The following FBXO15 variants were observed in gnomAD, a reference collection of about 807,000 sequenced individuals.
The protein encoded by FBXO15 is F-box only protein 15.
In FBXO15, 30 loss-of-function variants were observed where a neutral mutation model predicts 49.5. The observed-to-expected ratio is 0.61, with a 90% CI of 0.45 to 0.82. The LOEUF is 0.82. FBXO15 is among the 40% of genes least tolerant of loss of function. The pLI is 0.00. For missense variants in FBXO15, 591 were observed against 631.5 expected, an observed-to-expected ratio of 0.94 and a Z score of 0.69; for synonymous variants, 250 against 232.7, an observed-to-expected ratio of 1.07 and a Z score of -0.68.
chr18:74,147,796 A>G lies in FBXO15; in HGVS notation c.-11T>C. 2 of 1,523,654 alleles carry G rather than the reference A, an allele frequency of 1.3e-6. No individual in the cohort carries two copies. Among genetic ancestry groups the G allele is most frequent in the South Asian group, 1.2e-5 (1 of 82,066 alleles). The allele number at this position is 1,523,654 out of a possible 1,614,324, so 94.4% of individuals were successfully genotyped here. A position where few individuals can be genotyped will look rare whatever the true frequency, so the allele number is the denominator to read the frequency against. ...GCGTCCAGTCGCCATAGAGACAAGG[A>G]GTTCACCACAGGACCGCGCCAGGGC... On this transcript the variant is annotated 5_prime_UTR_variant, in exon 1 of 10. Coordinates refer to ENST00000419743, the MANE Select transcript of FBXO15 (RefSeq NM_001142958.2).
chr18:74,077,668 TGCA>T (rs1912309890), intron 9 of FBXO15, among the ~76,000 whole-genome samples: 1 of 152,118 alleles, frequency 6.6e-6, no homozygotes, highest in Admixed American at 6.5e-5. Flanking sequence ...CACCCTACAC[TGCA>T]GCCTCACTGA....
In FBXO15 at chr18:74,120,230, T is replaced by A. The variant is rs1387550214; in HGVS notation, c.1138+3138A>T. Among the ~76,000 whole-genome samples, 5 of 152,214 alleles carry A rather than the reference T, an allele frequency of 3.3e-5. No homozygotes were observed. In the East Asian group the frequency reaches 9.6e-4, roughly 29 times the overall value. ...AAAAACTGATAAAACAGCAAAAAAG[T>A]ACACAAATTCACTGTCAGAGTTGGA... On this transcript the variant is annotated intron_variant, in intron 8 of 9. Transcript: ENST00000419743.
chr18:74,129,900 T>C (rs1469019212), intron 4 of FBXO15, among the ~76,000 whole-genome samples: 2 of 152,242 alleles, frequency 1.3e-5, no homozygotes, highest in Non-Finnish European at 2.9e-5. Context: ...TATTGTACTA[T>C]AGCAGATAAG....
intron 1 of FBXO15, 80 bp downstream of exon 1, chr18:74,147,590 A>G (rs1448403410): frequency 2.3e-6 from 3 of 1,324,336 alleles, no homozygotes; most frequent in Admixed American, 7.4e-5. Flanking sequence ...CTGGACGAAT[A>G]AAATACACGG....
At chr18:74,124,136 G>A (rs1914598585) in intron 7 of FBXO15, among the ~76,000 whole-genome samples, 1 of 152,128 alleles carries the variant, frequency 6.6e-6, no homozygotes, top group Non-Finnish European at 1.5e-5. Context: ...ATCATCCGCA[G>A]GCCAGGTTCA....
chr18:74,107,347 T>C (rs748403467), intron 8 of FBXO15, among the ~76,000 whole-genome samples: 3 of 152,104 alleles, frequency 2.0e-5, no homozygotes, highest in Non-Finnish European at 2.9e-5. Flanking sequence ...AAAGAAGACA[T>C]TAGTTTTTTA....
intron 3 of FBXO15, among the ~76,000 whole-genome samples, chr18:74,134,927 T>C (rs1219169102): frequency 2.0e-5 from 3 of 152,168 alleles, no homozygotes; most frequent in African/African-American, 7.2e-5. Flanking sequence ...CCCTCTCATC[T>C]TGCTGATCTC....
At chr18:74,134,891 C>T (rs1978619891) in intron 3 of FBXO15, among the ~76,000 whole-genome samples, 1 of 152,154 alleles carries the variant, frequency 6.6e-6, no homozygotes, top group Non-Finnish European at 1.5e-5. Context: ...ACCTAGCAAA[C>T]AAAACCATCA....
intron 8 of FBXO15, among the ~76,000 whole-genome samples, chr18:74,085,542 G>A (rs764096587): frequency 5.3e-5 from 8 of 152,134 alleles, no homozygotes; most frequent in Non-Finnish European, 8.8e-5. Flanking sequence ...GCAGTGAGCC[G>A]AGATCGCACC....
At chr18:74,112,133 C>G (rs1180583721) in intron 8 of FBXO15, among the ~76,000 whole-genome samples, 1 of 152,132 alleles carries the variant, frequency 6.6e-6, no homozygotes, top group Admixed American at 6.5e-5. Context: ...AATATCAATT[C>G]TCTAAAATCT....
intron 9 of FBXO15, 106 bp from the exon 10 acceptor site, chr18:74,073,836 CA>C: frequency 7.3e-7 from 1 of 1,377,842 alleles, no homozygotes; most frequent in Non-Finnish European, 9.9e-7. Context: ...CGTGTGGCAT[CA>C]AAATCCAGAA....
At chr18:74,122,941 AGGTGTG>A (rs1914532874) in intron 8 of FBXO15, 1 of 153,626 alleles carries the variant, frequency 6.5e-6, no homozygotes, top group East Asian at 1.9e-4. Context: ...TGGCTTTGGT[AGGTGTG>A]GCAAACAGTG....
intron 1 of FBXO15, among the ~76,000 whole-genome samples, chr18:74,143,563 C>T (rs1310267506): frequency 2.0e-5 from 3 of 152,284 alleles, no homozygotes; most frequent in East Asian, 3.9e-4. Context: ...AGATAGTTCA[C>T]TCAAGAATGT....
chr18:74,126,546 A>G (rs1265298029), intron 5 of FBXO15, among the ~76,000 whole-genome samples: 1 of 152,254 alleles, frequency 6.6e-6, no homozygotes, highest in African/African-American at 2.4e-5. Context: ...ATGGCTGGAA[A>G]GCAGATGGGC....
chr18:74,130,987 A>G (rs985919463), intron 3 of FBXO15, among the ~76,000 whole-genome samples: 1 of 152,380 alleles, frequency 6.6e-6, no homozygotes, highest in South Asian at 2.1e-4. Context: ...TTATTTAAAC[A>G]TAACAGAAAG....
At position 74,129,556 on chromosome 18, in the gene FBXO15, T is replaced by C. The variant is rs143154340; in HGVS notation, c.634A>G (p.Met212Val). 1.1e-5 allele frequency: 18 copies of C among 1,613,150 alleles called. No individual in the cohort carries two copies. Among genetic ancestry groups the C allele is most frequent in the Non-Finnish European group, 1.4e-5 (17 of 1,179,926 alleles). The change falls in exon 5 of 10, where the codon ATG becomes GTG. Residue 212 changes from methionine to valine, a missense_variant. Transcript: ENST00000419743. ...LKEKGGKEYI[M>V]EHVDLSINDT... is the part of the protein sequence containing the mutation. ...TTTATGGAAAGATCAACATGCTCCA[T>C]GATATATTCTTTTCCACCTTTTTCT...
At chr18:74,094,450 G>A (rs892371344) in intron 8 of FBXO15, among the ~76,000 whole-genome samples, 2 of 152,088 alleles carry the variant, frequency 1.3e-5, no homozygotes, top group Non-Finnish European at 2.9e-5. Context: ...AAAAGCTGAT[G>A]CCATTCTATA....
At chr18:74,140,723 C>T (rs1480923166) in intron 1 of FBXO15, 1 of 174,504 alleles carries the variant, frequency 5.7e-6, no homozygotes, top group African/African-American at 2.4e-5. Context: ...ACCGTACTTA[C>T]TCTGATGTGC....
At chr18:74,094,081 C>T (rs1465205917) in intron 8 of FBXO15, among the ~76,000 whole-genome samples, 1 of 152,204 alleles carries the variant, frequency 6.6e-6, no homozygotes, top group African/African-American at 2.4e-5. Flanking sequence ...TCTTTTTGTA[C>T]ATCTCCATCA....
Sources: allele counts gnomAD v4.1 joint callset (sites outside exome capture counted in the v4.1 genomes callset), GRCh38; gene constraint gnomAD v4.1.1; transcripts MANE v1.5; gene names NCBI Gene and HGNC (gene_info 2026-07-23, HGNC 2026-07-21).